Variants in SORL1 observed in about 807,000 individuals in gnomAD.
The protein encoded by SORL1 is sortilin related receptor 1, also known as sortilin-related receptor.
In SORL1, 127 loss-of-function variants were observed where a neutral mutation model predicts 273.7. The observed-to-expected ratio is 0.46, with a 90% CI of 0.40 to 0.54. SORL1 has a LOEUF of 0.54. Ranked by LOEUF, SORL1 falls within the 20% of genes least tolerant of loss-of-function variation. The probability of loss-of-function intolerance (pLI) is 0.00; values close to 1 mark genes in which losing one functional copy is unlikely to be tolerated. For missense variants in SORL1, 2,494 were observed against 2,846.1 expected (o/e 0.88, Z 2.81); for synonymous variants, 1,031 against 1,067.4 (o/e 0.97, Z 0.66).
rs532883237 is a variant in SORL1 at position 121,574,258 on chromosome 11, C to T, written c.3355C>T (p.Leu1119=). Residue 1119 remains leucine, a synonymous_variant, in exon 24 of 48, where the codon CTG becomes TTG. Coordinates refer to ENST00000260197, the MANE Select transcript of SORL1 (RefSeq NM_003105.6). Reference sequence around the variant, plus strand: ...CATTTTAGCTACCACCATCTGTGACCTGGACACCCAGTTTCGTTGCCAGGA... The same window carrying T: ...CATTTTAGCTACCACCATCTGTGACTTGGACACCCAGTTTCGTTGCCAGGA... ...ERNCPTTICD[L]DTQFRCQESG... 4 of 1,613,874 alleles carry T rather than the reference C, an allele frequency of 2.5e-6. No homozygotes were observed. The South Asian group carries it at 3.3e-5, about 13-fold the overall frequency.
At chr11:121,505,253 A>C (rs1861770828) in intron 6 of SORL1, among the ~76,000 whole-genome samples, 1 of 151,906 alleles carries the variant, frequency 6.6e-6, no homozygotes, top group South Asian at 2.1e-4. Context: ...TAGTGTTCAC[A>C]CTAATCTTTT....
At chr11:121,598,963 A>G (rs1417896128) in intron 32 of SORL1, among the ~76,000 whole-genome samples, 1 of 152,138 alleles carries the variant, frequency 6.6e-6, no homozygotes, top group East Asian at 1.9e-4. Flanking sequence ...CTTTTTTTCA[A>G]GAAACACCCT....
intron 1 of SORL1, among the ~76,000 whole-genome samples, chr11:121,461,699 G>A (rs761807031): frequency 2.0e-5 from 3 of 152,196 alleles, no homozygotes; most frequent in Admixed American, 6.5e-5. Context: ...TTCAGAGTTC[G>A]GCTGGGAATC....
intron 41 of SORL1, among the ~76,000 whole-genome samples, chr11:121,616,746 A>G (rs1159794010): frequency 6.6e-6 from 1 of 152,258 alleles, no homozygotes; most frequent in African/African-American, 2.4e-5. Context: ...GTCAACAAAA[A>G]GAGTCAAACT....
intron 41 of SORL1, among the ~76,000 whole-genome samples, chr11:121,616,041 G>A (rs1863634447): frequency 6.6e-6 from 1 of 152,156 alleles, no homozygotes; most frequent in Non-Finnish European, 1.5e-5. Context: ...CTGAGGCAGG[G>A]ACAGTGATGA....
At chr11:121,580,939 C>T (rs1231081971) in intron 25 of SORL1, among the ~76,000 whole-genome samples, 13 of 132,694 alleles carry the variant, frequency 9.8e-5, no homozygotes, top group African/African-American at 2.9e-4. Flanking sequence ...TTTTTTGAGA[C>T]GGGGTCTCTG....
intron 1 of SORL1, among the ~76,000 whole-genome samples, chr11:121,453,215 C>G (rs776890830): frequency 1.3e-5 from 2 of 152,220 alleles, no homozygotes; most frequent in African/African-American, 2.4e-5. Context: ...GATGCTGACT[C>G]TCCCACCCCC....
rs2276347 is a variant in SORL1 at position 121,543,866 on chromosome 11, A to T, written c.1864+140A>T. ...GATGGGCCCATAAGAGTTAGCAAAA[A>T]GCATAGGGAGGTAATTGAAGGCCTG... On this transcript the variant is annotated intron_variant, in intron 13 of 47. Coordinates refer to ENST00000260197, the MANE Select transcript of SORL1 (RefSeq NM_003105.6). 2,444 of 690,850 alleles carry T rather than the reference A, an allele frequency of 3.5e-3. 76 individuals carry two copies. In the East Asian group the frequency reaches 0.063, roughly 18 times the overall value. 42.8% of individuals were successfully genotyped at this position (690,850 alleles called of 1,614,324 possible). A position where few individuals can be genotyped will look rare whatever the true frequency, so the allele number is the denominator to read the frequency against.
intron 24 of SORL1, among the ~76,000 whole-genome samples, chr11:121,575,190 G>C (rs1862909733): frequency 1.3e-5 from 2 of 152,202 alleles, no homozygotes; most frequent in African/African-American, 4.8e-5. Flanking sequence ...CAATTAGTTT[G>C]TGTCAGAATG....
intron 11 of SORL1, 142 bp from the exon 12 acceptor site, chr11:121,532,322 G>A (rs779780933): frequency 5.9e-5 from 41 of 690,698 alleles, no homozygotes; most frequent in Non-Finnish European, 9.5e-5. Context: ...AATGTCTTCT[G>A]TAAACGGAAA....
chr11:121,572,322 A>T (rs1186189529), intron 23 of SORL1, among the ~76,000 whole-genome samples: 1 of 152,176 alleles, frequency 6.6e-6, no homozygotes, highest in African/African-American at 2.4e-5. Context: ...TGCAGACTGC[A>T]CAGTTGTGCA....
chr11:121,504,957 C>CT (rs1565317865), intron 6 of SORL1, among the ~76,000 whole-genome samples: 1 of 151,882 alleles, frequency 6.6e-6, no homozygotes, highest in Admixed American at 6.6e-5. Flanking sequence ...TCATATGTTT[C>CT]TTTTTTTTCC....
chr11:121,608,269 T>A (rs1159223791), intron 38 of SORL1, 93 bp downstream of exon 38: 46 of 1,074,232 alleles, frequency 4.3e-5, no homozygotes, highest in Non-Finnish European at 6.3e-5. Flanking sequence ...AGAAACGTAG[T>A]TTAGAAAAAC....
intron 1 of SORL1, among the ~76,000 whole-genome samples, chr11:121,466,108 G>A (rs1169378434): frequency 2.6e-5 from 4 of 152,164 alleles, no homozygotes; most frequent in African/African-American, 4.8e-5. Flanking sequence ...GGAGGCACTC[G>A]GCCCCTCCCT....
chr11:121,621,314 A>G, intron 44 of SORL1, 76 bp downstream of exon 44: 1 of 1,317,250 alleles, frequency 7.6e-7, no homozygotes, highest in Non-Finnish European at 1.1e-6. Context: ...CCAGAGACAG[A>G]CTTTTCATTA....
At chr11:121,594,238 C>G (rs1863259484) in intron 31 of SORL1, among the ~76,000 whole-genome samples, 1 of 152,028 alleles carries the variant, frequency 6.6e-6, no homozygotes, top group Non-Finnish European at 1.5e-5. Flanking sequence ...TTCCATCCAA[C>G]ATAGCGGACA....
At chr11:121,571,632 C>T (rs1429135411) in intron 23 of SORL1, among the ~76,000 whole-genome samples, 4 of 152,208 alleles carry the variant, frequency 2.6e-5, no homozygotes, top group Non-Finnish European at 4.4e-5. Flanking sequence ...GCCAGTCATC[C>T]GTGGGGCCTG....
chr11:121,600,660 C>T (rs1220412451), intron 32 of SORL1, among the ~76,000 whole-genome samples: 3 of 152,162 alleles, frequency 2.0e-5, no homozygotes, highest in Admixed American at 2.0e-4. Flanking sequence ...GGTAAAGGGT[C>T]TTAAAATCAA....
intron 2 of SORL1, among the ~76,000 whole-genome samples, chr11:121,470,891 G>A (rs142982673): frequency 0.026 from 3,890 of 152,116 alleles, 83 homozygotes; most frequent in Middle Eastern, 0.045. Flanking sequence ...GTTTTGCCAC[G>A]TTGCCTAGGC....
Sources: gnomAD v4.1 joint callset for allele counts (sites outside exome capture counted in the v4.1 genomes callset) on GRCh38, gnomAD v4.1.1 for gene constraint, MANE v1.5 for transcripts, NCBI Gene and HGNC (gene_info 2026-07-23, HGNC 2026-07-21) for gene names.